The following DCC variants were observed in gnomAD, a reference collection of about 807,000 sequenced individuals.
The protein encoded by DCC is netrin receptor DCC.
A neutral mutation model predicts 172.5 loss-of-function variants in DCC; 58 were observed. The ratio of observed to expected loss-of-function variants is 0.34; its 90% CI spans 0.27 to 0.42. The LOEUF is 0.42. Among genes scored for constraint, DCC ranks in the 10% least tolerant of loss-of-function variants. The pLI is 1.00. For missense variants in DCC, 1,740 were observed against 1,791.0 expected (o/e 0.97, Z 0.51); for synonymous variants, 709 against 644.5 (o/e 1.10, Z -1.52).
chr18:53,066,250 C>T (rs2042564683), intron 7 of DCC, 84 bp downstream of exon 7: 2 of 1,311,024 alleles, frequency 1.5e-6, no homozygotes, highest in African/African-American at 1.5e-5. Flanking sequence ...TTTTTCCTAC[C>T]CCTCAAGGGC....
Position 53,487,193 on chromosome 18 carries a change from G to T in DCC, c.3898+235G>T, listed in dbSNP as rs375416934. ...CTGACAATACAAGGGGAAGTGGTGG[G>T]GAAACAAATGTCAAGTGGTTCCATC... On this transcript the variant is annotated intron_variant, in intron 26 of 28. Transcript: ENST00000442544. Among the ~76,000 whole-genome samples, 3 of 152,100 alleles carry T rather than the reference G, an allele frequency of 2.0e-5. No homozygotes were observed. The East Asian group carries it at 5.8e-4, about 29-fold the overall frequency.
intron 5 of DCC, among the ~76,000 whole-genome samples, chr18:53,043,659 GGT>G (rs779639576): frequency 4.6e-5 from 7 of 151,824 alleles, no homozygotes; most frequent in Non-Finnish European, 8.8e-5. Flanking sequence ...GAAGTCATTT[GGT>G]TAACATGTTA....
intron 27 of DCC, among the ~76,000 whole-genome samples, chr18:53,510,307 A>T (rs778051551): frequency 1.3e-5 from 2 of 152,226 alleles, no homozygotes; most frequent in African/African-American, 4.8e-5. Context: ...TGCAATCTGT[A>T]AAATAAATTT....
intron 21 of DCC, among the ~76,000 whole-genome samples, chr18:53,423,859 T>C (rs1471300631): frequency 2.0e-5 from 3 of 152,182 alleles, no homozygotes; most frequent in African/African-American, 7.2e-5. Context: ...TTTAATAGAA[T>C]CATAACACAA....
chr18:53,022,342 G>A (rs2041892409), intron 5 of DCC, among the ~76,000 whole-genome samples: 1 of 151,860 alleles, frequency 6.6e-6, no homozygotes, highest in African/African-American at 2.4e-5. Context: ...GGCCGGTTGT[G>A]TTACCTTTCT....
intron 3 of DCC, among the ~76,000 whole-genome samples, chr18:52,912,179 A>G (rs866285221): frequency 6.6e-6 from 1 of 152,132 alleles, no homozygotes; most frequent in Admixed American, 6.6e-5. Flanking sequence ...AATTTAGGGC[A>G]TGTTACTTAA....
intron 15 of DCC, among the ~76,000 whole-genome samples, chr18:53,370,656 C>T (rs1335711034): frequency 1.3e-5 from 2 of 151,746 alleles, no homozygotes; most frequent in Non-Finnish European, 3.0e-5. Flanking sequence ...AATTTCCATA[C>T]ATTTGTGATT....
At chr18:52,548,173 A>T (rs1459005276) in intron 1 of DCC, among the ~76,000 whole-genome samples, 2 of 152,126 alleles carry the variant, frequency 1.3e-5, no homozygotes, top group East Asian at 3.9e-4. Flanking sequence ...TTGGACTCAA[A>T]TTTCCAATTT....
At chr18:53,062,865 A>G (rs1238781958) in intron 5 of DCC, among the ~76,000 whole-genome samples, 2 of 152,078 alleles carry the variant, frequency 1.3e-5, no homozygotes, top group Admixed American at 1.3e-4. Flanking sequence ...CATTAATCCT[A>G]ATGAAACTCT....
chr18:52,530,335 T>C (rs1443546893), intron 1 of DCC, among the ~76,000 whole-genome samples: 2 of 152,172 alleles, frequency 1.3e-5, no homozygotes, highest in East Asian at 3.9e-4. Flanking sequence ...TCAAGTTCAT[T>C]ACAAGAAAAA....
intron 24 of DCC, among the ~76,000 whole-genome samples, chr18:53,467,064 T>C (rs1010038186): frequency 6.6e-6 from 1 of 152,156 alleles, no homozygotes; most frequent in African/African-American, 2.4e-5. Flanking sequence ...GTAAAACATA[T>C]GTTTGCCTCT....
chr18:52,577,513 T>C (rs2033442256), intron 1 of DCC, among the ~76,000 whole-genome samples: 1 of 152,094 alleles, frequency 6.6e-6, no homozygotes, highest in Non-Finnish European at 1.5e-5. Flanking sequence ...AATTCTTAAG[T>C]TGATGGTTCC....
At chr18:52,393,967 G>T (rs994347291) in intron 1 of DCC, among the ~76,000 whole-genome samples, 6 of 152,024 alleles carry the variant, frequency 3.9e-5, no homozygotes, top group Admixed American at 6.6e-5. Flanking sequence ...TTCATAGCAT[G>T]CTTTTCAATC....
chr18:52,572,596 G>A (rs959480163), intron 1 of DCC, among the ~76,000 whole-genome samples: 1 of 152,190 alleles, frequency 6.6e-6, no homozygotes, highest in Non-Finnish European at 1.5e-5. Flanking sequence ...TGCCCGTGGG[G>A]CTTTGCTTTG....
chr18:52,705,775 A>G (rs1417818504), intron 1 of DCC, among the ~76,000 whole-genome samples: 1 of 152,214 alleles, frequency 6.6e-6, no homozygotes, highest in African/African-American at 2.4e-5. Flanking sequence ...AAATAGGTAC[A>G]GTAGCTCATA....
chr18:52,466,546 G>C lies in DCC; in HGVS notation c.91+125668G>C, dbSNP rs138502147. Among the ~76,000 whole-genome samples, 56 of 152,154 alleles carry C rather than the reference G, an allele frequency of 3.7e-4. No individual in the cohort carries two copies. In the East Asian group the frequency reaches 9.1e-3, roughly 25 times the overall value. On this transcript the variant is annotated intron_variant, in intron 1 of 28. Transcript: ENST00000442544. ...GAATCATTGGTTCTAGTCTAATTCT[G>C]CCTCTTCCACATGAATGCCACATTC...
At chr18:53,265,377 T>C (rs1352303941) in intron 12 of DCC, among the ~76,000 whole-genome samples, 1 of 152,188 alleles carries the variant, frequency 6.6e-6, no homozygotes, top group East Asian at 1.9e-4. Context: ...GTTTCTATCA[T>C]AAAAGTGTAC....
chr18:52,427,433 G>T (rs1987466309), intron 1 of DCC, among the ~76,000 whole-genome samples: 1 of 152,002 alleles, frequency 6.6e-6, no homozygotes, highest in African/African-American at 2.4e-5. Context: ...GAAGGAAAGA[G>T]AAAAAAGAAA....
chr18:53,305,684 C>T lies in DCC; in HGVS notation c.2018C>T (p.Thr673Ile). The T allele has an allele frequency of 1.2e-6, 2 of 1,613,982 alleles. No individual in the cohort carries two copies. Among genetic ancestry groups the T allele is most frequent in the Non-Finnish European group, 1.7e-6 (2 of 1,179,934 alleles). The change falls in exon 13 of 29, where the codon ACA becomes ATA. Residue 673 changes from threonine (T) to isoleucine (I), a missense_variant. By Grantham distance (89) the Thr-to-Ile change is moderately conservative. Coordinates refer to ENST00000442544, the MANE Select transcript of DCC (RefSeq NM_005215.4). ...ACGACCCGCAGGGGTGAGATGGAAA[C>T]ACTGGAGCCAAACAACCTCTGGTAC... Reference protein sequence around the residue: ...RKTTRRGEMETLEPNNLWYLF... With the variant: ...RKTTRRGEMEILEPNNLWYLF...
Sources: allele counts gnomAD v4.1 joint callset (sites outside exome capture counted in the v4.1 genomes callset), GRCh38; gene constraint gnomAD v4.1.1; transcripts MANE v1.5; gene names NCBI Gene and HGNC (gene_info 2026-07-23, HGNC 2026-07-21).